The following ANO2 variants were observed in gnomAD, a reference collection of about 807,000 sequenced individuals.
ANO2 encodes anoctamin 2.
A neutral mutation model predicts 124.2 loss-of-function variants in ANO2; 101 were observed. The ratio of observed to expected loss-of-function variants is 0.81; its 90% CI spans 0.69 to 0.96. The LOEUF (loss-of-function observed/expected upper bound fraction) is 0.96. ANO2 is among the 40% of genes least tolerant of loss of function. The pLI, the probability that ANO2 is intolerant of heterozygous loss-of-function variation, is 0.00. For synonymous variants in ANO2, 486 were observed against 482.5 expected (o/e 1.01, Z -0.09); for missense variants, 1,293 against 1,274.5 (o/e 1.01, Z -0.22).
intron 3 of ANO2, among the ~76,000 whole-genome samples, chr12:5,884,795 G>C (rs1047066588): frequency 6.6e-6 from 1 of 152,154 alleles, no homozygotes; most frequent in African/African-American, 2.4e-5. Context: ...AAGGAAGCCA[G>C]CAGGCAAACC....
chr12:5,915,881 C>G (rs1941349163), intron 3 of ANO2, among the ~76,000 whole-genome samples: 1 of 152,204 alleles, frequency 6.6e-6, no homozygotes, highest in Non-Finnish European at 1.5e-5. Context: ...ATTCTCGATC[C>G]TTTTTTTCAG....
chr12:5,743,572 A>T (rs1382751343), intron 12 of ANO2, among the ~76,000 whole-genome samples: 1 of 151,984 alleles, frequency 6.6e-6, no homozygotes, highest in Non-Finnish European at 1.5e-5. Context: ...GGAAGGGAGG[A>T]GGAGAAAAAT....
At chr12:5,943,015 G>A (rs1251292339) in intron 1 of ANO2, among the ~76,000 whole-genome samples, 1 of 152,192 alleles carries the variant, frequency 6.6e-6, no homozygotes, top group African/African-American at 2.4e-5. Flanking sequence ...CACTGCTGCT[G>A]AGAATGTAAA....
At chr12:5,609,719 G>A (rs1343428119) in intron 19 of ANO2, among the ~76,000 whole-genome samples, 1 of 151,724 alleles carries the variant, frequency 6.6e-6, no homozygotes, top group African/African-American at 2.4e-5. Flanking sequence ...GAGATTCTGG[G>A]CTTTTGCCCT....
chr12:5,931,340 T>C (rs528616240), intron 1 of ANO2, among the ~76,000 whole-genome samples: 6 of 152,208 alleles, frequency 3.9e-5, no homozygotes, highest in Non-Finnish European at 7.4e-5. Context: ...GTGGGGATGA[T>C]ATACGTGCAG....
intron 9 of ANO2, among the ~76,000 whole-genome samples, chr12:5,803,860 T>A (rs184744035): frequency 2.2e-4 from 34 of 152,304 alleles, no homozygotes; most frequent in Non-Finnish European, 3.7e-4. Context: ...AGAGGGAGAC[T>A]GACATTCTCT....
At chr12:5,940,234 C>T (rs911506517) in intron 1 of ANO2, among the ~76,000 whole-genome samples, 1 of 152,198 alleles carries the variant, frequency 6.6e-6, no homozygotes, top group African/African-American at 2.4e-5. Flanking sequence ...GGAAGGTGGG[C>T]ATGCCTCCAG....
intron 3 of ANO2, among the ~76,000 whole-genome samples, chr12:5,864,218 A>G (rs1226823181): frequency 6.6e-6 from 1 of 152,222 alleles, no homozygotes; most frequent in Non-Finnish European, 1.5e-5. Context: ...GGATGAAGAT[A>G]AAAGTGAACA....
chr12:5,727,811 C>CT (rs78477563), intron 14 of ANO2, among the ~76,000 whole-genome samples: 82 of 124,434 alleles, frequency 6.6e-4, no homozygotes, highest in East Asian at 9.1e-4. Context: ...CTACTTTTTT[C>CT]TTTTTTTTTT....
intron 11 of ANO2, among the ~76,000 whole-genome samples, chr12:5,745,212 A>G (rs545463697): frequency 2.0e-5 from 3 of 152,322 alleles, no homozygotes; most frequent in Admixed American, 1.3e-4. Context: ...GACTTTCCCA[A>G]TAACCCTCTA....
intron 7 of ANO2, among the ~76,000 whole-genome samples, chr12:5,827,477 C>T (rs563909541): frequency 2.0e-5 from 3 of 152,064 alleles, no homozygotes; most frequent in Non-Finnish European, 2.9e-5. Flanking sequence ...CAGAATTATC[C>T]GGATAAAGTG....
chr12:5,790,877 G>A (rs1952676608), intron 10 of ANO2, among the ~76,000 whole-genome samples: 1 of 152,102 alleles, frequency 6.6e-6, no homozygotes, highest in African/African-American at 2.4e-5. Context: ...CAGACTCAGA[G>A]CTCTATTTTT....
At chr12:5,823,637 C>T (rs1390131813) in intron 7 of ANO2, among the ~76,000 whole-genome samples, 1 of 152,242 alleles carries the variant, frequency 6.6e-6, no homozygotes, top group East Asian at 1.9e-4. Flanking sequence ...CTTTTCCAGG[C>T]ACACAGCGCA....
chr12:5,739,469 A>T, intron 12 of ANO2, 70 bp from the exon 13 acceptor site: 1 of 1,317,282 alleles, frequency 7.6e-7, no homozygotes. Context: ...CTTTGGGCTC[A>T]CCAGTGGAGG....
chr12:5,923,248 A>ACACACACACACACACGCACACG (rs1565784459), intron 1 of ANO2, among the ~76,000 whole-genome samples: 1 of 74,468 alleles, frequency 1.3e-5, no homozygotes, highest in Non-Finnish European at 2.6e-5. Flanking sequence ...ACACACGCAT[A>ACACACACACACACACGCACACG]CACACACATA....
rs531412054 is a variant in ANO2, at chr12:5,636,712, A to C, written c.1621-1365T>G. ...AGGAGGGGAGGAGAGGCACAGGAGG[A>C]AAGGGGAGGGGAAGTGGGGGCCTCT... On this transcript the variant is annotated intron_variant, in intron 15 of 24. Coordinates refer to ENST00000682330, the MANE Select transcript of ANO2 (RefSeq NM_001364791.2). The surrounding 1 kb of genome is among the most constrained non-coding windows in gnomAD (Gnocchi z 4.6). 6.6e-6 allele frequency among the ~76,000 whole-genome samples: 1 copy of C among 150,916 alleles called. No homozygotes were observed. The highest frequency in any genetic ancestry group is 2.0e-4 in the East Asian group (1 of 5,120).
intron 16 of ANO2, among the ~76,000 whole-genome samples, chr12:5,628,667 A>AGT (rs72150450): frequency 0.01 from 1,572 of 150,900 alleles, 24 homozygotes; most frequent in African/African-American, 0.03. Context: ...GTAAGCAGAG[A>AGT]GTGTGTGTGT....
At chr12:5,774,034 C>T (rs1266562810) in intron 10 of ANO2, among the ~76,000 whole-genome samples, 1 of 152,216 alleles carries the variant, frequency 6.6e-6, no homozygotes, top group Non-Finnish European at 1.5e-5. Context: ...CCACATCCTT[C>T]CAAACTGAAA....
chr12:5,667,471 A>G (rs1455972413), intron 14 of ANO2, among the ~76,000 whole-genome samples: 4 of 151,782 alleles, frequency 2.6e-5, no homozygotes, highest in Admixed American at 2.0e-4. Context: ...CTAGGATTGT[A>G]TAAGTGTGAG....
Sources: gnomAD v4.1 joint callset for allele counts (sites outside exome capture counted in the v4.1 genomes callset) on GRCh38, gnomAD v4.1.1 for gene constraint, Gnocchi (gnomAD v3.1) non-coding constraint, MANE v1.5 for transcripts, NCBI Gene and HGNC (gene_info 2026-07-23, HGNC 2026-07-21) for gene names.